Variants in FARP1 observed in about 807,000 individuals in gnomAD.
FARP1 encodes FERM, ARHGEF and pleckstrin domain-containing protein 1.
In FARP1, 52 loss-of-function variants were observed where a neutral mutation model predicts 128.8. The observed-to-expected ratio is 0.40, with a 90% CI of 0.32 to 0.51. FARP1 has a LOEUF of 0.51. FARP1 is among the 20% of genes least tolerant of loss of function. The probability of loss-of-function intolerance (pLI) is 0.45; values close to 1 mark genes in which losing one functional copy is unlikely to be tolerated. For missense variants in FARP1, 1,333 were observed against 1,367.9 expected, an observed-to-expected ratio of 0.97 and a Z score of 0.40; for synonymous variants, 580 against 551.8, an observed-to-expected ratio of 1.05 and a Z score of -0.72.
intron 17 of FARP1, among the ~76,000 whole-genome samples, chr13:98,429,819 G>T (rs187801325): frequency 1.3e-5 from 2 of 152,212 alleles, no homozygotes; most frequent in Non-Finnish European, 2.9e-5. Context: ...TGGGCTACTC[G>T]CCTGTGCCAG....
At chr13:98,244,953 A>G (rs1297736562) in intron 2 of FARP1, 1 of 1,297,414 alleles carries the variant, frequency 7.7e-7, no homozygotes, top group Admixed American at 3.5e-5. Flanking sequence ...CTTAAAGGGA[A>G]GCAATACAGC....
intron 1 of FARP1, among the ~76,000 whole-genome samples, chr13:98,148,563 GT>G (rs1156677987): frequency 4.6e-5 from 7 of 152,140 alleles, no homozygotes; most frequent in African/African-American, 1.7e-4. Flanking sequence ...TAAATTTAAT[GT>G]GCTCACCATT....
intron 3 of FARP1, among the ~76,000 whole-genome samples, chr13:98,352,883 A>T (rs780641977): frequency 6.6e-6 from 1 of 152,200 alleles, no homozygotes; most frequent in African/African-American, 2.4e-5. Flanking sequence ...AGGAAGCTAT[A>T]GATTAAACAA....
chr13:98,263,452 C>A (rs1883968643), intron 2 of FARP1, among the ~76,000 whole-genome samples: 1 of 152,168 alleles, frequency 6.6e-6, no homozygotes, highest in Non-Finnish European at 1.5e-5. Context: ...AAATATTTGT[C>A]ATTACTCTTG....
chr13:98,171,201 C>T (rs1419762955), intron 1 of FARP1, among the ~76,000 whole-genome samples: 1 of 152,206 alleles, frequency 6.6e-6, no homozygotes, highest in Admixed American at 6.5e-5. Flanking sequence ...GAATTACACA[C>T]ACCCTCTTCG....
chr13:98,262,582 T>C (rs1282422582), intron 2 of FARP1, among the ~76,000 whole-genome samples: 1 of 152,232 alleles, frequency 6.6e-6, no homozygotes, highest in Non-Finnish European at 1.5e-5. Flanking sequence ...TCATAGAAAC[T>C]GGTTATTCCA....
At chr13:98,255,708 T>C (rs1883555566) in intron 2 of FARP1, among the ~76,000 whole-genome samples, 1 of 152,236 alleles carries the variant, frequency 6.6e-6, no homozygotes, top group Admixed American at 6.5e-5. Context: ...ATTTAAAAGT[T>C]AGCAAAGGCT....
chr13:98,192,395 CT>C (rs577857728), intron 1 of FARP1, among the ~76,000 whole-genome samples: 1 of 149,964 alleles, frequency 6.7e-6, no homozygotes. Flanking sequence ...TTGACTGTTA[CT>C]TTTTTTTTTC....
chr13:98,194,397 G>A (rs1448990838), intron 1 of FARP1, among the ~76,000 whole-genome samples: 2 of 152,202 alleles, frequency 1.3e-5, no homozygotes, highest in Non-Finnish European at 2.9e-5. Flanking sequence ...GATTACAGGC[G>A]TGAGCCACCG....
intron 24 of FARP1, chr13:98,445,785 ACTAG>A: frequency 8.5e-6 from 2 of 234,546 alleles, no homozygotes; most frequent in Non-Finnish European, 8.5e-6. Flanking sequence ...TCTCGTCTTC[ACTAG>A]TTACCCTGCA....
intron 17 of FARP1, 100 bp from the exon 18 acceptor site, chr13:98,430,943 G>C: frequency 2.9e-6 from 2 of 695,216 alleles, no homozygotes; most frequent in South Asian, 1.8e-5. Flanking sequence ...TCGTGAAATA[G>C]AGAGTGCAGG....
intron 1 of FARP1, among the ~76,000 whole-genome samples, chr13:98,183,276 TA>T (rs1758184703): frequency 6.6e-6 from 1 of 152,208 alleles, no homozygotes; most frequent in East Asian, 1.9e-4. Context: ...CCATTCTGGA[TA>T]TTTTTTTTTC....
chr13:98,329,862 G>A (rs555474492), intron 2 of FARP1: 2 of 152,300 alleles, frequency 1.3e-5, no homozygotes, highest in African/African-American at 2.4e-5. Context: ...TCCTGAGGGA[G>A]TGTGCCTTCC....
chr13:98,434,460 A>G (rs1453488096), intron 18 of FARP1: 2 of 152,168 alleles, frequency 1.3e-5, no homozygotes, highest in Non-Finnish European at 2.9e-5. Context: ...CCCTTCCAAC[A>G]CTGAAATGCT....
chr13:98,424,717 A>G (rs1393560708), intron 17 of FARP1, 67 bp downstream of exon 17: 3 of 1,076,474 alleles, frequency 2.8e-6, no homozygotes, highest in African/African-American at 3.1e-5. Flanking sequence ...TGCCATGGGC[A>G]TAGGCTGTAA....
chr13:98,430,266 C>G (rs1449265034), intron 17 of FARP1, among the ~76,000 whole-genome samples: 2 of 152,094 alleles, frequency 1.3e-5, no homozygotes, highest in African/African-American at 4.8e-5. Flanking sequence ...AATAAAAATT[C>G]AGATTTGGGA....
chr13:98,296,134 A>T (rs1192095057), intron 2 of FARP1, among the ~76,000 whole-genome samples: 1 of 152,130 alleles, frequency 6.6e-6, no homozygotes, highest in Admixed American at 6.5e-5. Context: ...GAGCTTCCAC[A>T]TGGAGCATGT....
intron 5 of FARP1, among the ~76,000 whole-genome samples, chr13:98,373,335 G>A (rs1353029868): frequency 1.3e-5 from 2 of 152,100 alleles, no homozygotes; most frequent in Non-Finnish European, 2.9e-5. Flanking sequence ...AAAATATTCA[G>A]AATGTCATTT....
At chr13:98,312,687 G>A (rs1886531566) in intron 2 of FARP1, among the ~76,000 whole-genome samples, 1 of 151,988 alleles carries the variant, frequency 6.6e-6, no homozygotes, top group Non-Finnish European at 1.5e-5. Context: ...TAGAAGATGG[G>A]GACATTATTT....
Sources: allele counts gnomAD v4.1 joint callset (sites outside exome capture counted in the v4.1 genomes callset), GRCh38; gene constraint gnomAD v4.1.1; transcripts MANE v1.5; gene names NCBI Gene and HGNC (gene_info 2026-07-23, HGNC 2026-07-21).